Variants in ZSCAN5A observed in about 807,000 individuals in gnomAD.
ZSCAN5A encodes the protein zinc finger and SCAN domain-containing protein 5A.
Under a neutral mutation model 23.7 loss-of-function variants are expected in ZSCAN5A, and 12 were observed. That is an observed-to-expected ratio of 0.51 (90% CI 0.32 to 0.82). ZSCAN5A has a LOEUF of 0.82. Ranked by LOEUF, ZSCAN5A falls within the 40% of genes least tolerant of loss-of-function variation. The pLI is 0.03. For synonymous variants in ZSCAN5A, 257 were observed against 239.9 expected (o/e 1.07, Z -0.66); for missense variants, 597 against 617.9 (o/e 0.97, Z 0.36).
chr19:56,285,248 GT>G (rs778779497), intron 2 of ZSCAN5A, among the ~76,000 whole-genome samples: 26 of 152,140 alleles, frequency 1.7e-4, no homozygotes, highest in Non-Finnish European at 3.2e-4. Flanking sequence ...AGTTTTTTAA[GT>G]TTTATAAATA....
At chr19:56,271,081 T>A (rs749047421) in intron 2 of ZSCAN5A, among the ~76,000 whole-genome samples, 6 of 152,222 alleles carry the variant, frequency 3.9e-5, no homozygotes, top group African/African-American at 1.2e-4. Flanking sequence ...GTGATTATAT[T>A]TGATAAAGCA....
chr19:56,243,288 A>ACAGT (rs1362120592), intron 2 of ZSCAN5A, among the ~76,000 whole-genome samples: 3 of 152,160 alleles, frequency 2.0e-5, no homozygotes, highest in Non-Finnish European at 2.9e-5. Context: ...CTGGAGCTAG[A>ACAGT]CAGTGGTGAT....
chr19:56,343,557 G>A, intron 2 of ZSCAN5A: 18 of 358,096 alleles, frequency 5.0e-5, no homozygotes, highest in South Asian at 4.0e-4. Flanking sequence ...ACAACCCTGA[G>A]AGAGGTACTA....
intron 2 of ZSCAN5A, among the ~76,000 whole-genome samples, chr19:56,358,634 A>G (rs1033102333): frequency 1.3e-5 from 2 of 152,240 alleles, no homozygotes; most frequent in East Asian, 3.8e-4. Flanking sequence ...CATTTTTCTC[A>G]GTACCACATG....
chr19:56,340,584 C>T (rs2041584503), intron 2 of ZSCAN5A, among the ~76,000 whole-genome samples: 1 of 152,170 alleles, frequency 6.6e-6, no homozygotes, highest in African/African-American at 2.4e-5. Flanking sequence ...ATCAGGAAAG[C>T]TTTTGACACA....
chr19:56,297,429 C>G, intron 2 of ZSCAN5A: 1 of 485,768 alleles, frequency 2.1e-6, no homozygotes, highest in Non-Finnish European at 2.7e-6. Context: ...CTCCCTCCCT[C>G]TCTCCCTCCC....
intron 1 of ZSCAN5A, chr19:56,314,314 G>C (rs1292394272): frequency 1.3e-5 from 2 of 152,222 alleles, no homozygotes; most frequent in Non-Finnish European, 2.9e-5. Flanking sequence ...CAGTGACCTA[G>C]TTAACCTGGC....
chr19:56,288,599 C>T (rs2039299205), intron 2 of ZSCAN5A, among the ~76,000 whole-genome samples: 1 of 152,180 alleles, frequency 6.6e-6, no homozygotes, highest in Non-Finnish European at 1.5e-5. Context: ...CCTTGCTTTC[C>T]ACTGCACCCT....
chr19:56,247,153 T>C (rs771958826), intron 2 of ZSCAN5A: 12 of 639,104 alleles, frequency 1.9e-5, no homozygotes, highest in Admixed American at 7.7e-5. Flanking sequence ...TCAATGTAAT[T>C]TCTGTGAGAG....
At chr19:56,223,021 G>A (rs1026264055) in intron 4 of ZSCAN5A, among the ~76,000 whole-genome samples, 1 of 152,064 alleles carries the variant, frequency 6.6e-6, no homozygotes, top group Non-Finnish European at 1.5e-5. Context: ...CCGTGCCAAC[G>A]TCTCCCTGCA....
chr19:56,320,094 G>A (rs1308224005), intron 2 of ZSCAN5A: 2 of 770,308 alleles, frequency 2.6e-6, no homozygotes, highest in South Asian at 1.3e-5. Flanking sequence ...CTGTCTGAAG[G>A]CAGTAGGCTA....
chr19:56,316,522 G>C (rs944882046), upstream of ZSCAN5A: 1 of 151,692 alleles, frequency 6.6e-6, no homozygotes. Flanking sequence ...TTTTTTCTTC[G>C]TTAAAGACTA....
At chr19:56,339,841 C>T (rs1042897598) in intron 2 of ZSCAN5A, among the ~76,000 whole-genome samples, 1 of 151,804 alleles carries the variant, frequency 6.6e-6, no homozygotes, top group African/African-American at 2.4e-5. Flanking sequence ...TGTGAAGGAG[C>T]GGTTGTAGCC....
chr19:56,258,317 G>A (rs1000258949), intron 2 of ZSCAN5A, among the ~76,000 whole-genome samples: 23 of 152,126 alleles, frequency 1.5e-4, no homozygotes, highest in African/African-American at 7.3e-5. Context: ...ATCAGGTCTC[G>A]TGTGGGCACA....
At chr19:56,345,082 G>A (rs1361343057) in intron 2 of ZSCAN5A, among the ~76,000 whole-genome samples, 1 of 151,776 alleles carries the variant, frequency 6.6e-6, no homozygotes, top group Non-Finnish European at 1.5e-5. Flanking sequence ...ATCCAGCCTG[G>A]GCAACAGAGC....
chr19:56,254,881 ATGT>A (rs1261314873), intron 2 of ZSCAN5A, among the ~76,000 whole-genome samples: 2 of 151,950 alleles, frequency 1.3e-5, no homozygotes, highest in East Asian at 3.9e-4. Context: ...TTTTAAAATC[ATGT>A]TGTTAGTGTT....
At chr19:56,319,245 C>T (rs1051365135), upstream of ZSCAN5A, among the ~76,000 whole-genome samples, 10 of 152,000 alleles carry the variant, frequency 6.6e-5, no homozygotes, top group African/African-American at 2.4e-4. Context: ...CGACTGTAAT[C>T]CCAGCACTTT....
At chr19:56,229,390 G>A (rs1158878967) in intron 2 of ZSCAN5A, among the ~76,000 whole-genome samples, 1 of 152,192 alleles carries the variant, frequency 6.6e-6, no homozygotes, top group Non-Finnish European at 1.5e-5. Context: ...TGTCAGTAAA[G>A]TGCTCAATAC....
At chr19:56,260,909 A>G (rs2037078627) in intron 2 of ZSCAN5A, among the ~76,000 whole-genome samples, 1 of 152,166 alleles carries the variant, frequency 6.6e-6, no homozygotes, top group African/African-American at 2.4e-5. Context: ...CACTCATTTT[A>G]TAGAAATGGA....
Sources: gnomAD v4.1 joint callset for allele counts (sites outside exome capture counted in the v4.1 genomes callset) on GRCh38, gnomAD v4.1.1 for gene constraint, MANE v1.5 for transcripts, NCBI Gene and HGNC (gene_info 2026-07-23, HGNC 2026-07-21) for gene names.